UNC79: variants seen among roughly 807,000 people sequenced by gnomAD.
UNC79 encodes the protein protein unc-79 homolog.
UNC79 carries 37 observed loss-of-function variants against 283.1 expected under a neutral mutation model. The ratio of observed to expected loss-of-function variants is 0.13; its 90% CI spans 0.10 to 0.17. UNC79 has a LOEUF of 0.17. UNC79 is among the 10% of genes least tolerant of loss of function. The probability of loss-of-function intolerance (pLI) is 1.00; values close to 1 mark genes in which losing one functional copy is unlikely to be tolerated. For synonymous variants in UNC79, 1,107 were observed against 1,200.2 expected (o/e 0.92, Z 1.61); for missense variants, 2,272 against 3,211.1 (o/e 0.71, Z 7.07).
intron 1 of UNC79, among the ~76,000 whole-genome samples, chr14:93,401,478 G>C (rs533407266): frequency 6.6e-6 from 1 of 152,320 alleles, no homozygotes; most frequent in South Asian, 2.1e-4. Context: ...GAGTAGGGTT[G>C]ATGCCACAAG....
intron 33 of UNC79, among the ~76,000 whole-genome samples, chr14:93,641,957 C>T (rs1252190168): frequency 6.6e-6 from 1 of 152,152 alleles, no homozygotes; most frequent in East Asian, 1.9e-4. Flanking sequence ...CTCTTGCCTC[C>T]TGCCATGTAA....
intron 24 of UNC79, among the ~76,000 whole-genome samples, chr14:93,597,791 G>A (rs1021748288): frequency 2.0e-5 from 3 of 152,094 alleles, no homozygotes; most frequent in Non-Finnish European, 4.4e-5. Flanking sequence ...TTAGGGCCCT[G>A]CCCTTATGAC....
chr14:93,677,870 A>G (rs2073483740), intron 41 of UNC79, among the ~76,000 whole-genome samples: 1 of 152,116 alleles, frequency 6.6e-6, no homozygotes, highest in South Asian at 2.1e-4. Context: ...GGCTGGTCTC[A>G]AACTCCTGAC....
intron 14 of UNC79, among the ~76,000 whole-genome samples, chr14:93,561,011 A>T (rs1489483820): frequency 6.6e-6 from 1 of 152,102 alleles, no homozygotes; most frequent in Non-Finnish European, 1.5e-5. Flanking sequence ...CTGGGAGGAG[A>T]GTCTGAAGAG....
In UNC79 at chr14:93,617,386, A is replaced by G. The variant is rs2066808032; in HGVS notation, c.4224+82A>G. 2 of 1,431,408 alleles carry G rather than the reference A, an allele frequency of 1.4e-6. No individual in the cohort carries two copies. The highest frequency in any genetic ancestry group is 4.6e-5 in the Admixed American group (2 of 43,844). 88.7% of individuals were successfully genotyped at this position (1,431,408 alleles called of 1,614,324 possible). ...GCATTAGGAGAACACCTGAGTCTTTAGTTGAAAATTTTGTAGAAGTTTGAC... is the reference window on the plus strand; with the variant it reads ...GCATTAGGAGAACACCTGAGTCTTTGGTTGAAAATTTTGTAGAAGTTTGAC... On this transcript the variant is annotated intron_variant, in intron 28 of 48. Coordinates refer to ENST00000555664, the Ensembl canonical transcript of UNC79. The surrounding 1 kb of genome is among the most constrained non-coding windows in gnomAD (Gnocchi z 4.5).
At chr14:93,597,976 C>T (rs547372107) in intron 24 of UNC79, among the ~76,000 whole-genome samples, 1 of 152,236 alleles carries the variant, frequency 6.6e-6, no homozygotes, top group African/African-American at 2.4e-5. Context: ...CCACATCTTG[C>T]TAAAAGATCC....
At chr14:93,613,011 T>G (rs778386052) in exon 27 of UNC79, 2 of 1,614,178 alleles carry the variant, frequency 1.2e-6, no homozygotes, top group Non-Finnish European at 1.7e-6. Context: ...AGCAGGAAGG[T>G]TGCTTCATGA....
intron 20 of UNC79, among the ~76,000 whole-genome samples, chr14:93,586,266 A>C (rs1280430422): frequency 6.6e-6 from 1 of 152,246 alleles, no homozygotes; most frequent in Non-Finnish European, 1.5e-5. Context: ...AGGGAGCAGC[A>C]GAACTAACAG....
chr14:93,375,695 G>A (rs886227771), intron 1 of UNC79, among the ~76,000 whole-genome samples: 3 of 152,104 alleles, frequency 2.0e-5, no homozygotes, highest in African/African-American at 7.2e-5. Context: ...GCAAGAGAGA[G>A]TGGGGAGGTG....
At chr14:93,695,890 C>CAAAAAAAAAAAAAAAA (rs535235954) in intron 47 of UNC79, among the ~76,000 whole-genome samples, 486 of 39,368 alleles carry the variant, frequency 0.012, 51 homozygotes, top group Non-Finnish European at 0.017. Flanking sequence ...GACTTTGTCT[C>CAAAAAAAAAAAAAAAA]AAAAAAAAAA....
At chr14:93,645,059 TGA>T (rs1323463466) in intron 34 of UNC79, among the ~76,000 whole-genome samples, 3 of 152,186 alleles carry the variant, frequency 2.0e-5, no homozygotes, top group Non-Finnish European at 2.9e-5. Flanking sequence ...CTTGGGGAGT[TGA>T]GAGTTTTTAT....
At chr14:93,419,526 A>T (rs1300887039) in intron 1 of UNC79, among the ~76,000 whole-genome samples, 1 of 151,632 alleles carries the variant, frequency 6.6e-6, no homozygotes, top group Admixed American at 6.6e-5. Flanking sequence ...AATAACTACA[A>T]CTTTTCAAGA....
In UNC79 at chr14:93,466,342, C is replaced by T. The variant is rs187831552; in HGVS notation, c.23-1329C>T. On this transcript the variant is annotated intron_variant, in intron 1 of 48. Coordinates refer to ENST00000555664, the Ensembl canonical transcript of UNC79. ...AATTGCTTTGATGTCAAGCAATGGACGTTCACATTCATGTGGATGTCACGT... is the reference window on the plus strand; with the variant it reads ...AATTGCTTTGATGTCAAGCAATGGATGTTCACATTCATGTGGATGTCACGT... Among the ~76,000 whole-genome samples the T allele has an allele frequency of 2.1e-4, 32 of 152,306 alleles. 1 individual carries two copies. Among genetic ancestry groups the T allele is most frequent in the African/African-American group, 6.3e-4 (26 of 41,566 alleles).
chr14:93,550,950 A>G (rs2061860549), intron 14 of UNC79, among the ~76,000 whole-genome samples: 1 of 152,220 alleles, frequency 6.6e-6, no homozygotes, highest in African/African-American at 2.4e-5. Context: ...ACTTGTTCTC[A>G]AGTGCAAGGC....
intron 4 of UNC79, among the ~76,000 whole-genome samples, chr14:93,481,724 A>G (rs1431665647): frequency 3.3e-5 from 5 of 152,186 alleles, no homozygotes; most frequent in Non-Finnish European, 7.4e-5. Flanking sequence ...ATGTTTCTAT[A>G]ACCTTCCAAA....
chr14:93,695,889 T>TAAAAAAAAAAAAAAAAAAAAAAAA (rs1330442800), intron 47 of UNC79, among the ~76,000 whole-genome samples: 1 of 13,996 alleles, frequency 7.1e-5, no homozygotes, highest in Non-Finnish European at 1.3e-4. Flanking sequence ...AGACTTTGTC[T>TAAAAAAAAAAAAAAAAAAAAAAAA]CAAAAAAAAA....
downstream of UNC79, chr14:93,707,124 CATTATTT>C (rs2075926638): frequency 2.3e-6 from 1 of 432,618 alleles, no homozygotes; most frequent in African/African-American, 2.0e-5. Context: ...TGTTTCCTTA[CATTATTT>C]TTTAAAAACC....
At chr14:93,547,441 G>C (rs1256579158) in intron 14 of UNC79, among the ~76,000 whole-genome samples, 1 of 152,110 alleles carries the variant, frequency 6.6e-6, no homozygotes, top group African/African-American at 2.4e-5. Flanking sequence ...ATTTTATTTA[G>C]GATTTGGCTT....
At chr14:93,376,248 GAA>G (rs548726278) in intron 1 of UNC79, among the ~76,000 whole-genome samples, 29 of 152,312 alleles carry the variant, frequency 1.9e-4, no homozygotes, top group South Asian at 6.2e-4. Flanking sequence ...TGTATTGATA[GAA>G]AAGAGTGTTG....
Sources: allele counts gnomAD v4.1 joint callset (sites outside exome capture counted in the v4.1 genomes callset), GRCh38; gene constraint gnomAD v4.1.1; non-coding constraint Gnocchi (gnomAD v3.1); transcripts MANE v1.5; gene names NCBI Gene and HGNC (gene_info 2026-07-23, HGNC 2026-07-21).